The following CCNY variants were observed in gnomAD, a reference collection of about 807,000 sequenced individuals.
CCNY encodes cyclin Y, also known as cyclin-Y.
Under a neutral mutation model 42.8 loss-of-function variants are expected in CCNY, and 19 were observed. That is an observed-to-expected ratio of 0.44 (90% confidence interval 0.31 to 0.65). CCNY has a LOEUF of 0.65. Among genes scored for constraint, CCNY ranks in the 30% least tolerant of loss-of-function variants. The pLI, the probability that CCNY is intolerant of heterozygous loss-of-function variation, is 0.07. For synonymous variants in CCNY, 165 were observed against 162.7 expected (o/e 1.01, Z -0.11); for missense variants, 370 against 437.3 (o/e 0.85, Z 1.37).
At chr10:35,456,107 G>A (rs1234382116) in intron 1 of CCNY, among the ~76,000 whole-genome samples, 1 of 152,124 alleles carries the variant, frequency 6.6e-6, no homozygotes. Context: ...AGGTTTTGCA[G>A]GAGAGTGACA....
At chr10:35,534,062 C>T (rs749774435) in intron 7 of CCNY, among the ~76,000 whole-genome samples, 43 of 150,180 alleles carry the variant, frequency 2.9e-4, no homozygotes, top group Admixed American at 4.6e-4. Flanking sequence ...CACTTTGTTG[C>T]TCAGGCTGGA....
intron 3 of CCNY, among the ~76,000 whole-genome samples, chr10:35,317,002 C>T (rs1186190116): frequency 2.6e-5 from 4 of 152,138 alleles, no homozygotes; most frequent in South Asian, 2.1e-4. Flanking sequence ...CCCGCCACCA[C>T]GCCCGGCTAA....
chr10:35,419,923 A>AT (rs1218102375), intron 1 of CCNY, among the ~76,000 whole-genome samples: 2,374 of 135,598 alleles, frequency 0.018, 23 homozygotes, highest in African/African-American at 0.023. Context: ...TATGGCTGTA[A>AT]TTTTTTTTTT....
In CCNY at chr10:35,344,494, A is replaced by C. The variant is rs535792702; in HGVS notation, c.154+7287A>C. Among the ~76,000 whole-genome samples, 4 of 152,342 alleles carry C rather than the reference A, an allele frequency of 2.6e-5. No homozygotes were observed. In the East Asian group the frequency reaches 7.7e-4, roughly 29 times the overall value. ...ATCATGAGGTCAGGAGATCAAGACC[A>C]TCCTGGCTAACATGGTGAAAACTGG... is the stretch of plus-strand genomic sequence containing the variant. On this transcript the variant is annotated intron_variant, in intron 1 of 9. Coordinates refer to ENST00000374704, the MANE Select transcript of CCNY (RefSeq NM_145012.6).
At chr10:35,345,355 G>A (rs1252492055) in intron 1 of CCNY, among the ~76,000 whole-genome samples, 1 of 151,902 alleles carries the variant, frequency 6.6e-6, no homozygotes, top group African/African-American at 2.4e-5. Flanking sequence ...TGTGGTCCCA[G>A]CTACTCAGGA....
At chr10:35,418,881 C>T (rs559421076) in intron 1 of CCNY, among the ~76,000 whole-genome samples, 2 of 151,838 alleles carry the variant, frequency 1.3e-5, no homozygotes, top group South Asian at 2.1e-4. Context: ...AGTGCAGTGG[C>T]GCTATCTCTG....
chr10:35,527,751 G>A (rs1170611567), intron 5 of CCNY, among the ~76,000 whole-genome samples: 1 of 152,234 alleles, frequency 6.6e-6, no homozygotes, highest in African/African-American at 2.4e-5. Context: ...CAAGATTAAT[G>A]TACAGATTGC....
At chr10:35,455,819 TTTTTTTAA>T (rs1482803972) in intron 1 of CCNY, among the ~76,000 whole-genome samples, 6 of 134,750 alleles carry the variant, frequency 4.5e-5, no homozygotes, top group Admixed American at 2.2e-4. Flanking sequence ...TTTTTTTTTT[TTTTTTTAA>T]AAAAAGAAAA....
At chr10:35,520,133 C>T (rs550737184) in intron 4 of CCNY, among the ~76,000 whole-genome samples, 1 of 152,168 alleles carries the variant, frequency 6.6e-6, no homozygotes, top group Non-Finnish European at 1.5e-5. Context: ...GTAGAGCCAT[C>T]AGAATCCTTC....
chr10:35,259,755 G>A (rs1185189973), intron 3 of CCNY, among the ~76,000 whole-genome samples: 4 of 144,138 alleles, frequency 2.8e-5, no homozygotes, highest in South Asian at 4.5e-4. Context: ...CAAGTGATCC[G>A]CCTGCCTCGG....
intron 1 of CCNY, among the ~76,000 whole-genome samples, chr10:35,470,102 C>T (rs1839359385): frequency 7.3e-6 from 1 of 136,358 alleles, no homozygotes; most frequent in Non-Finnish European, 1.6e-5. Flanking sequence ...GATGGAGAGA[C>T]AGGGAGATGG....
chr10:35,462,813 C>G (rs1421471077), intron 1 of CCNY, among the ~76,000 whole-genome samples: 1 of 152,226 alleles, frequency 6.6e-6, no homozygotes, highest in Non-Finnish European at 1.5e-5. Flanking sequence ...GTGCCCCTGT[C>G]AGGAGGGCTC....
chr10:35,418,330 C>T (rs1052749341), intron 1 of CCNY, among the ~76,000 whole-genome samples: 1 of 152,076 alleles, frequency 6.6e-6, no homozygotes, highest in South Asian at 2.1e-4. Context: ...CCCCCACCCC[C>T]GGCTTGATCA....
At chr10:35,510,726 A>G (rs1287959640) in intron 3 of CCNY, among the ~76,000 whole-genome samples, 2 of 152,208 alleles carry the variant, frequency 1.3e-5, no homozygotes, top group Non-Finnish European at 2.9e-5. Context: ...AATTTTATTG[A>G]TGAAGACATT....
intron 1 of CCNY, among the ~76,000 whole-genome samples, chr10:35,247,471 G>A (rs758496238): frequency 6.6e-6 from 1 of 152,046 alleles, no homozygotes; most frequent in Non-Finnish European, 1.5e-5. Flanking sequence ...TGTAGTCCCA[G>A]CTACTTGGGG....
intron 3 of CCNY, among the ~76,000 whole-genome samples, chr10:35,299,105 C>G (rs964609352): frequency 1.3e-5 from 2 of 152,150 alleles, no homozygotes; most frequent in African/African-American, 4.8e-5. Context: ...GTTTCAGTTA[C>G]TGATTTCTAA....
chr10:35,505,517 A>G (rs1171207160), intron 3 of CCNY, among the ~76,000 whole-genome samples: 1 of 152,194 alleles, frequency 6.6e-6, no homozygotes, highest in Non-Finnish European at 1.5e-5. Flanking sequence ...AGCAAGAGTC[A>G]CATTATTATT....
chr10:35,358,169 C>A (rs1836601011), intron 1 of CCNY, among the ~76,000 whole-genome samples: 1 of 151,708 alleles, frequency 6.6e-6, no homozygotes, highest in African/African-American at 2.4e-5. Context: ...ACCACCATAA[C>A]ATCTGTACTC....
At chr10:35,493,124 C>G (rs1444961818) in intron 2 of CCNY, among the ~76,000 whole-genome samples, 1 of 152,138 alleles carries the variant, frequency 6.6e-6, no homozygotes, top group Non-Finnish European at 1.5e-5. Context: ...CTTGGGCTTT[C>G]CAGTGTGGAG....
Sources: allele counts gnomAD v4.1 joint callset (sites outside exome capture counted in the v4.1 genomes callset), GRCh38; gene constraint gnomAD v4.1.1; transcripts MANE v1.5; gene names NCBI Gene and HGNC (gene_info 2026-07-23, HGNC 2026-07-21).